Variants in PRKAB1 observed in about 807,000 individuals in gnomAD.
PRKAB1 encodes the protein 5'-AMP-activated protein kinase subunit beta-1.
In PRKAB1, 18 loss-of-function variants were observed where a neutral mutation model predicts 32.0. The ratio of observed to expected loss-of-function variants is 0.56; its 90% confidence interval spans 0.39 to 0.83. The LOEUF (loss-of-function observed/expected upper bound fraction) is 0.83, where lower values mean the gene tolerates loss of function less well. PRKAB1 is among the 40% of genes least tolerant of loss of function. The probability of loss-of-function intolerance (pLI) is 0.00; values close to 1 mark genes in which losing one functional copy is unlikely to be tolerated. For synonymous variants in PRKAB1, 141 were observed against 141.4 expected, an observed-to-expected ratio of 1.00 and a Z score of 0.02; for missense variants, 263 against 352.6, an observed-to-expected ratio of 0.75 and a Z score of 2.03.
At chr12:119,672,061 A>G (rs1955392180) in intron 1 of PRKAB1, among the ~76,000 whole-genome samples, 1 of 152,200 alleles carries the variant, frequency 6.6e-6, no homozygotes, top group African/African-American at 2.4e-5. Flanking sequence ...ACAATAGCTA[A>G]TAATTAGCAC....
intron 5 of PRKAB1, chr12:119,678,957 T>G (rs1955446136): frequency 6.6e-6 from 1 of 152,204 alleles, no homozygotes; most frequent in Non-Finnish European, 1.5e-5. Flanking sequence ...TTGTACTAAT[T>G]TACATGCCCA....
chr12:119,668,013 C>G, upstream of PRKAB1: 1 of 522,806 alleles, frequency 1.9e-6, no homozygotes, highest in Non-Finnish European at 3.3e-6. Context: ...ATCTTCGCGC[C>G]CCTTGCGTTC....
intron 2 of PRKAB1, among the ~76,000 whole-genome samples, chr12:119,673,303 C>A (rs1284811829): frequency 6.6e-6 from 1 of 152,188 alleles, no homozygotes; most frequent in Non-Finnish European, 1.5e-5. Context: ...TATCAGGAAC[C>A]CCAGCATGGA....
chr12:119,668,896 C>T (rs1215949047), intron 1 of PRKAB1, among the ~76,000 whole-genome samples: 1 of 152,154 alleles, frequency 6.6e-6, no homozygotes, highest in Non-Finnish European at 1.5e-5. Context: ...CGGCAGTTGC[C>T]AGAGGTGTTT....
At position 119,679,015 on chromosome 12, in the gene PRKAB1, A is replaced by G. The variant is rs779702455; in HGVS notation, c.667-918A>G. The G allele has an allele frequency of 1.3e-5, 2 of 152,242 alleles. No individual in the cohort carries two copies. Among genetic ancestry groups the G allele is most frequent in the Admixed American group, 6.5e-5 (1 of 15,288 alleles). 9.4% of individuals were successfully genotyped at this position (152,242 alleles called of 1,614,324 possible). A position where few individuals can be genotyped will look rare whatever the true frequency, so the allele number is the denominator to read the frequency against. The stretch of plus-strand genomic sequence containing the variant: ...TTTTAAGTGTTCTCACCACAAAAAC[A>G]TGGTAAGCATGTTCTGCGTGTGTTG... On this transcript the variant is annotated intron_variant, in intron 5 of 6. Coordinates refer to ENST00000229328, the MANE Select transcript of PRKAB1 (RefSeq NM_006253.5). The surrounding 1 kb of genome is among the most constrained non-coding windows in gnomAD (Gnocchi z 4.1).
At chr12:119,680,031 G>A (rs1258896261) in intron 6 of PRKAB1, 30 bp downstream of exon 6, 1 of 1,596,326 alleles carries the variant, frequency 6.3e-7, no homozygotes, top group Non-Finnish European at 8.6e-7. Context: ...CATGAGAGCT[G>A]TGTTGCCCAG....
rs1191372864 is a variant in PRKAB1, at chr12:119,679,112, T to A, written c.667-821T>A. On this transcript the variant is annotated intron_variant, in intron 5 of 6. Transcript: ENST00000229328. This position sits in a 1 kb window ranked among gnomAD's most constrained non-coding sequence, Gnocchi z 4.1. ...ACATATTGTACATGGTAAATATACA[T>A]AATTTTATCTGTCAATCTTTGAAAT... is the stretch of plus-strand genomic sequence containing the variant. The A allele has an allele frequency of 6.6e-6, 1 of 152,240 alleles. No individual in the cohort carries two copies. The highest frequency in any genetic ancestry group is 1.5e-5 in the Non-Finnish European group (1 of 68,050). The allele number at this position is 152,240 out of a possible 1,614,324, so 9.4% of individuals were successfully genotyped here.
chr12:119,676,610 A>AC lies in PRKAB1; in HGVS notation c.611dup (p.Ile205TyrfsTer20), dbSNP rs2136857657. On this transcript the variant is annotated frameshift_variant, in exon 5 of 7. Transcript: ENST00000229328. LOFTEE classifies it high-confidence loss of function. ...GCAAACCCGAAGAGCGCTTTCGGGC[A>AC]CCCCCTATTCTCCCCCCACATCTCC... is the stretch of plus-strand genomic sequence containing the variant. The AC allele has an allele frequency of 6.2e-7, 1 of 1,613,230 alleles. No homozygotes were observed. The highest frequency in any genetic ancestry group is 8.5e-7 in the Non-Finnish European group (1 of 1,179,708).
rs906721383 is a variant in PRKAB1, at chr12:119,674,728, C to T, written c.532+274C>T. On this transcript the variant is annotated intron_variant, in intron 4 of 6. Coordinates refer to ENST00000229328, the MANE Select transcript of PRKAB1 (RefSeq NM_006253.5). This position sits in a 1 kb window ranked among gnomAD's most constrained non-coding sequence, Gnocchi z 4.3. ...CAGAAATGGAACCATAGCTTGATCT[C>T]GTGCCAAGGGCAGGGCTGAAGAGGC... Among the ~76,000 whole-genome samples the T allele has an allele frequency of 1.3e-5, 2 of 152,204 alleles. No individual in the cohort carries two copies. Among genetic ancestry groups the T allele is most frequent in the South Asian group, 2.1e-4 (1 of 4,830 alleles).
Position 119,680,339 on chromosome 12 carries a change from G to C in PRKAB1, c.*14G>C. ...AAGCCCATATGAAGAGCTGGGGGCG[G>C]ATGGTGGCCCAGGAGACAGCACACC... On this transcript the variant is annotated 3_prime_UTR_variant, in exon 7 of 7. Transcript: ENST00000229328. The C allele has an allele frequency of 6.2e-7, 1 of 1,609,712 alleles. No individual in the cohort carries two copies. Among genetic ancestry groups the C allele is most frequent in the Non-Finnish European group, 8.5e-7 (1 of 1,176,134 alleles).
intron 1 of PRKAB1, among the ~76,000 whole-genome samples, chr12:119,671,177 G>T (rs1955385568): frequency 6.6e-6 from 1 of 152,196 alleles, no homozygotes; most frequent in Non-Finnish European, 1.5e-5. Flanking sequence ...TTTGTGAGTA[G>T]TTTTTCCCTT....
In PRKAB1 at chr12:119,674,242, CAGG is replaced by C; in HGVS notation, c.418-95_418-93del. 1 of 1,107,388 alleles carries C rather than the reference CAGG, an allele frequency of 9.0e-7. No individual in the cohort carries two copies. Among genetic ancestry groups the C allele is most frequent in the Non-Finnish European group, 1.3e-6 (1 of 748,370 alleles). 68.6% of individuals were successfully genotyped at this position (1,107,388 alleles called of 1,614,324 possible). On this transcript the variant is annotated intron_variant, in intron 3 of 6. Transcript: ENST00000229328. The surrounding 1 kb of genome is among the most constrained non-coding windows in gnomAD (Gnocchi z 4.3). ...GACCAAGATGAGCAGGGTGGCTAGC[CAGG>C]AGATGAGGCCTTCCAGCCAGGAATT...
In PRKAB1 at chr12:119,672,397, G is replaced by A. The variant is rs770905581; in HGVS notation, c.256G>A (p.Gly86Arg). Residue 86 changes from glycine (G) to arginine (R), a missense_variant, in exon 2 of 7, where the codon GGG (glycine) becomes AGG (arginine). Physicochemically the swap from Gly to Arg is moderately radical, Grantham distance 125 (BLOSUM62 -2). Transcript: ENST00000229328. ...QARPTVFRWT[G>R]GGKEVYLSGS... is the part of the protein sequence containing the mutation. ...TCGGCCAACGGTGTTTCGATGGACGGGGGGCGGAAAGGAAGTTTACTTATC... is the reference window on the plus strand; with the variant it reads ...TCGGCCAACGGTGTTTCGATGGACGAGGGGCGGAAAGGAAGTTTACTTATC... 1.9e-6 allele frequency: 3 copies of A among 1,611,574 alleles called. No homozygotes were observed. Among genetic ancestry groups the A allele is most frequent in the Non-Finnish European group, 1.7e-6 (2 of 1,178,866 alleles).
chr12:119,668,322 G>A lies in PRKAB1; in HGVS notation c.78G>A (p.Gly26=), dbSNP rs1565874350. 7 of 1,613,182 alleles carry A rather than the reference G, an allele frequency of 4.3e-6. No homozygotes were observed. Among genetic ancestry groups the A allele is most frequent in the African/African-American group, 1.3e-5 (1 of 75,024 alleles). The change falls in exon 1 of 7, where the codon GGG becomes GGA. Residue 26 remains glycine (G), a synonymous_variant. Transcript: ENST00000229328. ...AGACGCCCCGGAGGGACAGCTCGGG[G>A]GGCACCAAGGACGGGGACAGGCCCA... ...GHKTPRRDSS[G]GTKDGDRPKI...
intron 5 of PRKAB1, among the ~76,000 whole-genome samples, chr12:119,676,879 T>G (rs1955430178): frequency 6.6e-6 from 1 of 152,258 alleles, no homozygotes; most frequent in Admixed American, 6.5e-5. Context: ...AAAGCCTTTC[T>G]GCACTACTCT....
In PRKAB1 at chr12:119,681,613, A is replaced by G. The variant is rs1452511402; in HGVS notation, c.*1288A>G. 3 of 152,218 alleles carry G rather than the reference A, an allele frequency of 2.0e-5. No homozygotes were observed. The highest frequency in any genetic ancestry group is 7.2e-5 in the African/African-American group (3 of 41,452). 9.4% of individuals were successfully genotyped at this position (152,218 alleles called of 1,614,324 possible). A position where few individuals can be genotyped will look rare whatever the true frequency, so the allele number is the denominator to read the frequency against. ...GGACAAGTTTCAATAAAACTTTGTAAAAATAATTGGACATGTGCCTGGAGG... is the reference window on the plus strand; with the variant it reads ...GGACAAGTTTCAATAAAACTTTGTAGAAATAATTGGACATGTGCCTGGAGG... On this transcript the variant is annotated 3_prime_UTR_variant, in exon 7 of 7. Coordinates refer to ENST00000229328, the MANE Select transcript of PRKAB1 (RefSeq NM_006253.5).
Position 119,674,035 on chromosome 12 carries a change from A to C in PRKAB1, c.395A>C (p.Gln132Pro). ...CAGTACAAGTTCTTTGTGGATGGTC[A>C]GTGGACGCACGACCCTTCCGAGGTA... ...EHQYKFFVDGQWTHDPSEPIV... is the reference protein window; with the variant it reads ...EHQYKFFVDGPWTHDPSEPIV... Residue 132 changes from glutamine (Q) to proline (P), a missense_variant, in exon 3 of 7, where the codon CAG (glutamine) becomes CCG (proline). By Grantham distance (76) the Gln-to-Pro change is moderately conservative. Coordinates refer to ENST00000229328, the MANE Select transcript of PRKAB1 (RefSeq NM_006253.5). The surrounding 1 kb of genome is among the most constrained non-coding windows in gnomAD (Gnocchi z 4.3). 6.2e-7 allele frequency: 1 copy of C among 1,613,930 alleles called. No homozygotes were observed. Among genetic ancestry groups the C allele is most frequent in the Non-Finnish European group, 8.5e-7 (1 of 1,179,880 alleles).
chr12:119,673,913 T>C, intron 2 of PRKAB1, 51 bp from the exon 3 acceptor site: 1 of 1,509,602 alleles, frequency 6.6e-7, no homozygotes, highest in Non-Finnish European at 9.1e-7. Flanking sequence ...GCAAGTAAGC[T>C]CGGGGGGCAG....
At chr12:119,675,761 G>A (rs1310583594) in intron 4 of PRKAB1, among the ~76,000 whole-genome samples, 1 of 152,214 alleles carries the variant, frequency 6.6e-6, no homozygotes, top group Non-Finnish European at 1.5e-5. Context: ...CCTGAAAAAT[G>A]ACATTGAGGG....
Sources: gnomAD v4.1 joint callset for allele counts (sites outside exome capture counted in the v4.1 genomes callset) on GRCh38, gnomAD v4.1.1 for gene constraint, Gnocchi (gnomAD v3.1) non-coding constraint, MANE v1.5 for transcripts, NCBI Gene and HGNC (gene_info 2026-07-23, HGNC 2026-07-21) for gene names.